RAB3C: variants seen among roughly 807,000 people sequenced by gnomAD.
The protein encoded by RAB3C is RAB3C, member RAS oncogene family.
A neutral mutation model predicts 26.4 loss-of-function variants in RAB3C; 17 were observed. The observed-to-expected ratio is 0.64, with a 90% CI of 0.44 to 0.97. RAB3C has a LOEUF of 0.97. RAB3C is among the 50% of genes least tolerant of loss of function. RAB3C has a pLI of 0.00. For missense variants in RAB3C, 242 were observed against 281.9 expected, an observed-to-expected ratio of 0.86 and a Z score of 1.01; for synonymous variants, 91 against 95.9, an observed-to-expected ratio of 0.95 and a Z score of 0.30.
At chr5:58,624,546 C>T (rs981117453) in intron 2 of RAB3C, among the ~76,000 whole-genome samples, 2 of 152,174 alleles carry the variant, frequency 1.3e-5, no homozygotes, top group African/African-American at 4.8e-5. Flanking sequence ...ACCATACAAA[C>T]ACATTGCTAA....
At chr5:58,723,800 C>T (rs1434874714) in intron 2 of RAB3C, among the ~76,000 whole-genome samples, 5 of 151,824 alleles carry the variant, frequency 3.3e-5, no homozygotes, top group African/African-American at 1.2e-4. Context: ...AAGGAGGCAT[C>T]TCTGGGATAA....
chr5:58,642,423 C>T (rs976412798), intron 2 of RAB3C, among the ~76,000 whole-genome samples: 3 of 152,218 alleles, frequency 2.0e-5, no homozygotes, highest in African/African-American at 7.2e-5. Flanking sequence ...CTACTCTCCT[C>T]ACATTCACTC....
At chr5:58,798,096 G>GGA (rs1264866307) in intron 3 of RAB3C, among the ~76,000 whole-genome samples, 3 of 151,962 alleles carry the variant, frequency 2.0e-5, no homozygotes, top group Non-Finnish European at 4.4e-5. Flanking sequence ...TACTTGGCGG[G>GGA]GGGGCCTCCT....
intron 3 of RAB3C, among the ~76,000 whole-genome samples, chr5:58,758,858 T>G (rs1741731759): frequency 6.7e-6 from 1 of 148,948 alleles, no homozygotes; most frequent in South Asian, 2.1e-4. Flanking sequence ...TCCTTGGACT[T>G]TTTTTTTTTT....
intron 2 of RAB3C, among the ~76,000 whole-genome samples, chr5:58,707,288 T>C (rs981168725): frequency 5.3e-5 from 8 of 152,152 alleles, no homozygotes; most frequent in African/African-American, 1.9e-4. Context: ...GATAATTCTA[T>C]AGAGATATAA....
At chr5:58,606,965 G>A (rs921376432) in intron 1 of RAB3C, among the ~76,000 whole-genome samples, 15 of 152,282 alleles carry the variant, frequency 9.9e-5, no homozygotes, top group Admixed American at 9.8e-4. Flanking sequence ...AGAAACCAGA[G>A]CAGAAAAGCT....
At position 58,803,955 on chromosome 5, in the gene RAB3C, G is replaced by A. The variant is rs902110391; in HGVS notation, c.372-21083G>A. Among the ~76,000 whole-genome samples the A allele has an allele frequency of 2.0e-5, 3 of 151,892 alleles. No homozygotes were observed. In the East Asian group the frequency reaches 5.8e-4, roughly 29 times the overall value. ...GGCACCTATAATCCCAGCTACTCGG[G>A]AGGCTGAGGCAGGACAGTCACTTGA... On this transcript the variant is annotated intron_variant, in intron 3 of 4. Transcript: ENST00000282878.
At chr5:58,794,011 C>T (rs544799809) in intron 3 of RAB3C, among the ~76,000 whole-genome samples, 1 of 152,038 alleles carries the variant, frequency 6.6e-6, no homozygotes, top group African/African-American at 2.4e-5. Flanking sequence ...ATGATTTCTC[C>T]CAAGTATAAA....
At chr5:58,605,355 C>G (rs1746537276) in intron 1 of RAB3C, among the ~76,000 whole-genome samples, 1 of 152,174 alleles carries the variant, frequency 6.6e-6, no homozygotes, top group Non-Finnish European at 1.5e-5. Flanking sequence ...CTCAGATTCC[C>G]TTAATTTCAT....
At chr5:58,708,093 C>T (rs891930208) in intron 2 of RAB3C, among the ~76,000 whole-genome samples, 4 of 151,356 alleles carry the variant, frequency 2.6e-5, no homozygotes, top group Non-Finnish European at 5.9e-5. Context: ...TGGGTTTAAG[C>T]GATCCTCCCA....
intron 2 of RAB3C, among the ~76,000 whole-genome samples, chr5:58,645,534 C>T (rs529125319): frequency 9.8e-5 from 15 of 152,300 alleles, no homozygotes; most frequent in African/African-American, 3.6e-4. Flanking sequence ...CACCTACCCA[C>T]CGTCATGAAC....
chr5:58,819,984 C>G (rs1391265530), intron 3 of RAB3C, among the ~76,000 whole-genome samples: 1 of 152,114 alleles, frequency 6.6e-6, no homozygotes, highest in African/African-American at 2.4e-5. Context: ...GTCATAGCTG[C>G]TTATATTGCC....
At chr5:58,600,963 G>T (rs1746440537) in intron 1 of RAB3C, among the ~76,000 whole-genome samples, 1 of 152,092 alleles carries the variant, frequency 6.6e-6, no homozygotes, top group Non-Finnish European at 1.5e-5. Flanking sequence ...CCCATTCAGT[G>T]TTATGTTGGC....
At chr5:58,652,987 T>G (rs1375990267) in intron 2 of RAB3C, among the ~76,000 whole-genome samples, 1 of 152,186 alleles carries the variant, frequency 6.6e-6, no homozygotes, top group African/African-American at 2.4e-5. Flanking sequence ...TTTGTATTAT[T>G]ATACTTTAAC....
intron 3 of RAB3C, among the ~76,000 whole-genome samples, chr5:58,791,296 C>A (rs2112014297): frequency 6.6e-6 from 1 of 152,258 alleles, no homozygotes; most frequent in South Asian, 2.1e-4. Flanking sequence ...ACCATGGGCC[C>A]TTCCAAGGAA....
chr5:58,639,118 C>T (rs1051637538), intron 2 of RAB3C, among the ~76,000 whole-genome samples: 3 of 152,168 alleles, frequency 2.0e-5, no homozygotes, highest in Non-Finnish European at 4.4e-5. Context: ...TTCCCTCTTT[C>T]GAATGGACAA....
intron 4 of RAB3C, chr5:58,848,460 T>A (rs950742646): frequency 1.3e-5 from 2 of 152,230 alleles, no homozygotes; most frequent in African/African-American, 4.8e-5. Flanking sequence ...TACAAGTTAG[T>A]AGTTCATGTT....
intron 3 of RAB3C, among the ~76,000 whole-genome samples, chr5:58,808,902 C>G (rs1320662194): frequency 6.6e-6 from 1 of 152,192 alleles, no homozygotes; most frequent in African/African-American, 2.4e-5. Flanking sequence ...AAGTGAGGTT[C>G]ATAAAAATCC....
intron 3 of RAB3C, among the ~76,000 whole-genome samples, chr5:58,764,001 A>G (rs929030135): frequency 2.0e-5 from 3 of 152,216 alleles, no homozygotes; most frequent in African/African-American, 7.2e-5. Context: ...TGTTCTTCTC[A>G]TTGAATAAGG....
Sources: allele counts gnomAD v4.1 joint callset (sites outside exome capture counted in the v4.1 genomes callset), GRCh38; gene constraint gnomAD v4.1.1; transcripts MANE v1.5; gene names NCBI Gene and HGNC (gene_info 2026-07-23, HGNC 2026-07-21).